The following ZNF444 variants were observed in gnomAD, a reference collection of about 807,000 sequenced individuals.
ZNF444 encodes zinc finger protein 444.
Under a neutral mutation model 14.4 loss-of-function variants are expected in ZNF444, and 8 were observed. That is an observed-to-expected ratio of 0.56 (90% confidence interval 0.33 to 1.00). ZNF444 has a LOEUF of 1.00. Among genes scored for constraint, ZNF444 ranks in the 50% least tolerant of loss-of-function variants. The probability of loss-of-function intolerance (pLI) is 0.03; values close to 1 mark genes in which losing one functional copy is unlikely to be tolerated. For synonymous variants in ZNF444, 258 were observed against 235.9 expected (o/e 1.09, Z -0.86); for missense variants, 510 against 504.8 (o/e 1.01, Z -0.10).
intron 1 of ZNF444, among the ~76,000 whole-genome samples, chr19:56,135,502 C>T (rs56149377): frequency 0.021 from 3,207 of 152,042 alleles, 101 homozygotes; most frequent in African/African-American, 0.073. Context: ...CAGGTTCCTC[C>T]GTCTCACCTC....
intron 3 of ZNF444, among the ~76,000 whole-genome samples, chr19:56,153,809 C>G (rs941995131): frequency 6.6e-6 from 1 of 152,062 alleles, no homozygotes; most frequent in Non-Finnish European, 1.5e-5. Context: ...CGTCTCAGGT[C>G]GGAATTGAAG....
At chr19:56,150,355 A>G in intron 3 of ZNF444, 1 of 265,624 alleles carries the variant, frequency 3.8e-6, no homozygotes, top group Non-Finnish European at 7.4e-6. Context: ...AGTGAATCTA[A>G]AAGTCGGGAA....
At chr19:56,152,331 CAAAA>C (rs1162528500) in intron 3 of ZNF444, among the ~76,000 whole-genome samples, 1 of 80,684 alleles carries the variant, frequency 1.2e-5, no homozygotes. Flanking sequence ...GACTCTGTCT[CAAAA>C]AAAAAAAAAA....
At chr19:56,133,745 G>A (rs1599978719) in intron 1 of ZNF444, among the ~76,000 whole-genome samples, 1 of 149,560 alleles carries the variant, frequency 6.7e-6, no homozygotes, top group Non-Finnish European at 1.5e-5. Flanking sequence ...CCCGGAAGGC[G>A]GAGCTTGCAG....
chr19:56,150,574 T>G (rs1247608505), intron 3 of ZNF444: 1 of 427,440 alleles, frequency 2.3e-6, no homozygotes, highest in East Asian at 7.0e-5. Flanking sequence ...GAATTTCCCA[T>G]GACCTCTCTC....
chr19:56,150,315 T>C lies in ZNF444; in HGVS notation c.297+3107T>C, dbSNP rs150551390. ...TGCAAAATAAAAAAAAATCTTCCAT[T>C]CGGGGATGCAGTGAGAGTTCTGTTG... On this transcript the variant is annotated intron_variant, in intron 3 of 4. Coordinates refer to ENST00000337080, the MANE Select transcript of ZNF444 (RefSeq NM_018337.4). 1,965 of 236,026 alleles carry C rather than the reference T, an allele frequency of 8.3e-3. 24 individuals carry two copies. The highest frequency in any genetic ancestry group is 0.035 in the African/African-American group (1,544 of 44,036). 14.6% of individuals were successfully genotyped at this position (236,026 alleles called of 1,614,324 possible). A position where few individuals can be genotyped will look rare whatever the true frequency, so the allele number is the denominator to read the frequency against.
upstream of ZNF444, among the ~76,000 whole-genome samples, chr19:56,139,036 C>T (rs1450864974): frequency 3.3e-5 from 5 of 152,006 alleles, no homozygotes; most frequent in East Asian, 3.9e-4. Flanking sequence ...ACTTCTGATC[C>T]GCACGCCTCG....
intron 3 of ZNF444, among the ~76,000 whole-genome samples, chr19:56,148,463 G>A (rs538698927): frequency 3.9e-5 from 6 of 152,228 alleles, no homozygotes; most frequent in Non-Finnish European, 7.4e-5. Context: ...GGCAAAGCGA[G>A]CAAAGCCTTC....
At chr19:56,154,226 C>T (rs564745892) in intron 3 of ZNF444, 165 of 152,294 alleles carry the variant, frequency 1.1e-3, no homozygotes, top group African/African-American at 3.9e-3. Flanking sequence ...TGATGAAAGA[C>T]CTTCGCGTAT....
chr19:56,159,803 C>T lies in ZNF444; in HGVS notation c.586C>T (p.Arg196Cys), dbSNP rs1239224467. The change falls in exon 5 of 5, where the codon CGC becomes TGC. Residue 196 changes from arginine to cysteine, a missense_variant. Coordinates refer to ENST00000337080, the MANE Select transcript of ZNF444 (RefSeq NM_018337.4). Reference protein sequence around the residue: ...KTSLKPAHLLRHRQSHSGEKP... With the variant: ...KTSLKPAHLLCHRQSHSGEKP... ...GTCCCTGAAACCAGCTCACCTGCTG[C>T]GCCACCGGCAGAGCCACTCGGGCGA... 6.3e-7 allele frequency: 1 copy of T among 1,587,316 alleles called. No homozygotes were observed. Among genetic ancestry groups the T allele is most frequent in the South Asian group, 1.1e-5 (1 of 88,176 alleles).
At chr19:56,148,867 T>C (rs796078352) in intron 3 of ZNF444, among the ~76,000 whole-genome samples, 9 of 152,178 alleles carry the variant, frequency 5.9e-5, no homozygotes, top group African/African-American at 2.2e-4. Context: ...TTCTCAAGTC[T>C]CCAAAATCAA....
In ZNF444 at chr19:56,160,331, T is replaced by G. The variant is rs147321718; in HGVS notation, c.*130T>G. The G allele has an allele frequency of 1.1e-3, 744 of 704,968 alleles. 5 individuals are homozygous for G. The African/African-American group carries it at 0.013, about 12-fold the overall frequency. The allele number at this position is 704,968 out of a possible 1,614,324, so 43.7% of individuals were successfully genotyped here. A position where few individuals can be genotyped will look rare whatever the true frequency, so the allele number is the denominator to read the frequency against. On this transcript the variant is annotated 3_prime_UTR_variant, in exon 5 of 5. Coordinates refer to ENST00000337080, the MANE Select transcript of ZNF444 (RefSeq NM_018337.4). Reference sequence around the variant, plus strand: ...CGTCCTCCTCCACCTGCGCCTCCCTTGTCTGAACTTCCCAACGCCTTCCTA... The same window carrying G: ...CGTCCTCCTCCACCTGCGCCTCCCTGGTCTGAACTTCCCAACGCCTTCCTA...
intron 3 of ZNF444, among the ~76,000 whole-genome samples, chr19:56,148,113 A>G (rs943354811): frequency 2.6e-5 from 4 of 152,134 alleles, no homozygotes; most frequent in Non-Finnish European, 5.9e-5. Flanking sequence ...AAAAAAGGCA[A>G]ATTTACTTCA....
Position 56,145,097 on chromosome 19 carries a change from C to T in ZNF444, c.-196-1150C>T, listed in dbSNP as rs954600615. ...GTGCGCCAGTGAGACTTAAGTAAAA[C>T]AGGCTGCAGGCCAGATTCGGCCCAC... is the stretch of plus-strand genomic sequence containing the variant. On this transcript the variant is annotated intron_variant, in intron 1 of 4. Coordinates refer to ENST00000337080, the MANE Select transcript of ZNF444 (RefSeq NM_018337.4). The surrounding 1 kb of genome is among the most constrained non-coding windows in gnomAD (Gnocchi z 4.3). Among the ~76,000 whole-genome samples, 5 of 152,240 alleles carry T rather than the reference C, an allele frequency of 3.3e-5. No homozygotes were observed. The highest frequency in any genetic ancestry group is 1.2e-4 in the African/African-American group (5 of 41,460).
In ZNF444 at chr19:56,151,984, G is replaced by A. The variant is rs1004574338; in HGVS notation, c.297+4776G>A. The A allele has an allele frequency of 2.7e-4, 122 of 453,324 alleles. No individual in the cohort carries two copies. The Middle Eastern group carries it at 3.3e-3, about 12-fold the overall frequency. 28.1% of individuals were successfully genotyped at this position (453,324 alleles called of 1,614,324 possible). A position where few individuals can be genotyped will look rare whatever the true frequency, so the allele number is the denominator to read the frequency against. The stretch of plus-strand genomic sequence containing the variant: ...GCCGGATGAGAAGGAGAGGACAGCC[G>A]AGGAGAGGCTCCTGTACTGGTAGAA... On this transcript the variant is annotated intron_variant, in intron 3 of 4. Transcript: ENST00000337080.
chr19:56,158,462 T>G (rs1422570983), intron 3 of ZNF444, 32 bp from the exon 4 acceptor site: 1 of 1,575,978 alleles, frequency 6.3e-7, no homozygotes, highest in East Asian at 2.3e-5. Context: ...CTTGCTCAGG[T>G]TTCTGAGTTC....
chr19:56,138,840 G>T (rs997438580), upstream of ZNF444, among the ~76,000 whole-genome samples: 1 of 119,736 alleles, frequency 8.4e-6, no homozygotes, highest in African/African-American at 3.2e-5. Context: ...TCTGTTGCCC[G>T]GACTGAAGTG....
At chr19:56,142,622 C>G (rs2030904140) in intron 1 of ZNF444, among the ~76,000 whole-genome samples, 1 of 152,204 alleles carries the variant, frequency 6.6e-6, no homozygotes, top group African/African-American at 2.4e-5. Context: ...ACAAACCGGT[C>G]TTTGTCGAGC....
At chr19:56,133,220 A>G (rs1485346948) in intron 1 of ZNF444, among the ~76,000 whole-genome samples, 1 of 147,160 alleles carries the variant, frequency 6.8e-6, no homozygotes, top group African/African-American at 2.5e-5. Context: ...TTACAGGCGC[A>G]CACCACCATG....
Sources: gnomAD v4.1 joint callset for allele counts (sites outside exome capture counted in the v4.1 genomes callset) on GRCh38, gnomAD v4.1.1 for gene constraint, Gnocchi (gnomAD v3.1) non-coding constraint, MANE v1.5 for transcripts, NCBI Gene and HGNC (gene_info 2026-07-23, HGNC 2026-07-21) for gene names.